The following DENND1A variants were observed in gnomAD, a reference collection of about 807,000 sequenced individuals.
The protein encoded by DENND1A is DENN domain containing 1A.
A neutral mutation model predicts 113.7 loss-of-function variants in DENND1A; 51 were observed. The ratio of observed to expected loss-of-function variants is 0.45; its 90% CI spans 0.36 to 0.57. The LOEUF is 0.57. DENND1A is among the 20% of genes least tolerant of loss of function. DENND1A has a pLI of 0.00. For missense variants in DENND1A, 1,258 were observed against 1,395.9 expected, an observed-to-expected ratio of 0.90 and a Z score of 1.57; for synonymous variants, 565 against 570.8, an observed-to-expected ratio of 0.99 and a Z score of 0.14.
chr9:123,778,120 C>T (rs1830723457), intron 3 of DENND1A, among the ~76,000 whole-genome samples: 1 of 152,142 alleles, frequency 6.6e-6, no homozygotes. Flanking sequence ...ATCTAACACT[C>T]AAGGGTTTTA....
At chr9:123,716,680 G>T (rs565320602) in intron 5 of DENND1A, among the ~76,000 whole-genome samples, 1 of 152,154 alleles carries the variant, frequency 6.6e-6, no homozygotes, top group Non-Finnish European at 1.5e-5. Context: ...AAGTACAAAC[G>T]AATGCAGTGG....
At chr9:123,909,203 T>TG (rs1350121902) in intron 1 of DENND1A, among the ~76,000 whole-genome samples, 1 of 145,064 alleles carries the variant, frequency 6.9e-6, no homozygotes, top group Admixed American at 6.9e-5. Context: ...TGTGGTGGGG[T>TG]GGGGGGAGTG....
At chr9:123,731,470 T>C (rs2068168133) in intron 5 of DENND1A, among the ~76,000 whole-genome samples, 1 of 152,168 alleles carries the variant, frequency 6.6e-6, no homozygotes, top group African/African-American at 2.4e-5. Flanking sequence ...AAGATGGTCT[T>C]TTCAACAAAT....
intron 13 of DENND1A, among the ~76,000 whole-genome samples, chr9:123,495,149 C>T (rs144799877): frequency 3.1e-5 from 1 of 32,238 alleles, no homozygotes; most frequent in African/African-American, 4.9e-5. Context: ...CTTTCTCTCT[C>T]TCTCTCTCTC....
At chr9:123,415,912 G>T (rs2044689540) in intron 19 of DENND1A, among the ~76,000 whole-genome samples, 1 of 152,144 alleles carries the variant, frequency 6.6e-6, no homozygotes, top group Non-Finnish European at 1.5e-5. Flanking sequence ...CACAGATGGG[G>T]AAGAGTAGTC....
intron 2 of DENND1A, among the ~76,000 whole-genome samples, chr9:123,828,639 CAA>C (rs59346883): frequency 4.3e-5 from 5 of 115,986 alleles, no homozygotes; most frequent in Non-Finnish European, 1.9e-5. Context: ...TAAAAGTAGC[CAA>C]AAAAAAAAAA....
chr9:123,542,202 T>C (rs1428117740), intron 13 of DENND1A, among the ~76,000 whole-genome samples: 1 of 152,232 alleles, frequency 6.6e-6, no homozygotes, highest in African/African-American at 2.4e-5. Context: ...AAATACCTCA[T>C]TCTTATTTCA....
intron 2 of DENND1A, among the ~76,000 whole-genome samples, chr9:123,801,311 C>T (rs113062238): frequency 6.6e-6 from 1 of 152,202 alleles, no homozygotes; most frequent in Non-Finnish European, 1.5e-5. Flanking sequence ...TAAACACCAA[C>T]TCTTCATTAT....
At chr9:123,890,616 C>T (rs965475507) in intron 1 of DENND1A, among the ~76,000 whole-genome samples, 5 of 152,166 alleles carry the variant, frequency 3.3e-5, no homozygotes, top group Non-Finnish European at 1.5e-5. Context: ...TTTCTAAGCA[C>T]TTTTCATCTA....
chr9:123,479,108 G>C (rs1382603181), intron 13 of DENND1A, among the ~76,000 whole-genome samples: 2 of 152,216 alleles, frequency 1.3e-5, no homozygotes, highest in Non-Finnish European at 2.9e-5. Context: ...GCATGGTAAG[G>C]CATCTACCAT....
intron 1 of DENND1A, among the ~76,000 whole-genome samples, chr9:123,891,927 A>G (rs1340020222): frequency 2.0e-5 from 3 of 152,152 alleles, no homozygotes; most frequent in South Asian, 2.1e-4. Flanking sequence ...CACCACTTTG[A>G]GAGTTTCCAG....
chr9:123,693,880 T>C (rs2065339790), intron 5 of DENND1A, among the ~76,000 whole-genome samples: 1 of 150,490 alleles, frequency 6.6e-6, no homozygotes, highest in Admixed American at 6.6e-5. Context: ...CAGGCGGGAG[T>C]GCAGTGGCAC....
intron 9 of DENND1A, among the ~76,000 whole-genome samples, chr9:123,646,583 T>C (rs2139243958): frequency 6.6e-6 from 1 of 152,166 alleles, no homozygotes; most frequent in Middle Eastern, 3.4e-3. Context: ...TCTGAGGCCA[T>C]CTACCTAAAA....
At chr9:123,672,501 C>T (rs1468579136) in intron 6 of DENND1A, among the ~76,000 whole-genome samples, 1 of 152,206 alleles carries the variant, frequency 6.6e-6, no homozygotes, top group Non-Finnish European at 1.5e-5. Flanking sequence ...GGACATTCTC[C>T]TAAATCACCA....
intron 21 of DENND1A, chr9:123,401,490 C>T: frequency 8.2e-7 from 1 of 1,215,116 alleles, no homozygotes; most frequent in Middle Eastern, 3.4e-4. Context: ...GAAACGTACC[C>T]CTCTGTCTCC....
rs563976948 is a variant in DENND1A, at chr9:123,558,869, T to C, written c.868-1174A>G. On this transcript the variant is annotated intron_variant, in intron 12 of 23. Transcript: ENST00000394215. ...CTCAGCAAATATTTATTATTTCCTA[T>C]GTACCGAGGACTATGTTAGGTGTTG... Among the ~76,000 whole-genome samples, 7 of 152,332 alleles carry C rather than the reference T, an allele frequency of 4.6e-5. No homozygotes were observed. The East Asian group carries it at 9.6e-4, about 21-fold the overall frequency.
At chr9:123,849,449 A>C (rs1304957217) in intron 2 of DENND1A, among the ~76,000 whole-genome samples, 1 of 152,222 alleles carries the variant, frequency 6.6e-6, no homozygotes, top group Non-Finnish European at 1.5e-5. Context: ...TAATGACACA[A>C]ACCACAATTA....
chr9:123,601,848 A>G (rs1232551858), intron 11 of DENND1A, among the ~76,000 whole-genome samples: 1 of 152,224 alleles, frequency 6.6e-6, no homozygotes, highest in East Asian at 1.9e-4. Context: ...GTCCCAGTCA[A>G]AGTATACTCA....
intron 13 of DENND1A, among the ~76,000 whole-genome samples, chr9:123,511,242 T>C (rs1025411592): frequency 4.7e-4 from 71 of 152,206 alleles, no homozygotes; most frequent in Non-Finnish European, 8.7e-4. Context: ...GCCTTCGAAC[T>C]TGGGCTCCAG....
Sources: gnomAD v4.1 joint callset for allele counts (sites outside exome capture counted in the v4.1 genomes callset) on GRCh38, gnomAD v4.1.1 for gene constraint, MANE v1.5 for transcripts, NCBI Gene and HGNC (gene_info 2026-07-23, HGNC 2026-07-21) for gene names.